Variants in BRF2 observed in about 807,000 individuals in gnomAD.
BRF2 encodes BRF2 general transcription factor IIIB subunit, also known as transcription factor IIIB 50 kDa subunit.
In BRF2, 17 loss-of-function variants were observed where a neutral mutation model predicts 26.6. That is an observed-to-expected ratio of 0.64 (90% CI 0.44 to 0.96). BRF2 has a LOEUF of 0.96. Ranked by LOEUF, BRF2 falls within the 40% of genes least tolerant of loss-of-function variation. The pLI, the probability that BRF2 is intolerant of heterozygous loss-of-function variation, is 0.00. For synonymous variants in BRF2, 219 were observed against 226.6 expected, an observed-to-expected ratio of 0.97 and a Z score of 0.30; for missense variants, 515 against 537.0, an observed-to-expected ratio of 0.96 and a Z score of 0.40.
In BRF2 at chr8:37,849,861, T is replaced by C; in HGVS notation, c.-78A>G. On this transcript the variant is annotated 5_prime_UTR_variant, in exon 1 of 4. Transcript: ENST00000220659. Reference sequence around the variant, plus strand: ...ACAGCAACCGTGAGGCAGCAAGAAGTAGGAGGGGACACTTCAAAGGGTTGC... The same window carrying C: ...ACAGCAACCGTGAGGCAGCAAGAAGCAGGAGGGGACACTTCAAAGGGTTGC... The C allele has an allele frequency of 2.8e-6, 4 of 1,407,770 alleles. No homozygotes were observed. The highest frequency in any genetic ancestry group is 2.9e-6 in the Non-Finnish European group (3 of 1,045,906). The allele number at this position is 1,407,770 out of a possible 1,614,324, so 87.2% of individuals were successfully genotyped here.
rs1007723947 is a variant in BRF2, at chr8:37,849,852, A to C, written c.-69T>G. ...GGGTCTGCAACAGCAACCGTGAGGC[A>C]GCAAGAAGTAGGAGGGGACACTTCA... On this transcript the variant is annotated 5_prime_UTR_variant, in exon 1 of 4. Coordinates refer to ENST00000220659, the MANE Select transcript of BRF2 (RefSeq NM_018310.4). 1 of 1,457,296 alleles carries C rather than the reference A, an allele frequency of 6.9e-7. No homozygotes were observed. The highest frequency in any genetic ancestry group is 1.4e-5 in the African/African-American group (1 of 71,150). 90.3% of individuals were successfully genotyped at this position (1,457,296 alleles called of 1,614,324 possible).
chr8:37,845,059 A>G lies in BRF2; in HGVS notation c.691T>C (p.Phe231Leu). ...HPLPVITAAT[F>L]LAWQSLQPAD... Reference sequence around the variant, plus strand: ...GGCTGCAGCGACTGCCAAGCCAGGAAAGTCGCAGCAGTGATGACGGGCAAG... The same window carrying G: ...GGCTGCAGCGACTGCCAAGCCAGGAGAGTCGCAGCAGTGATGACGGGCAAG... The change falls in exon 4 of 4, where the codon TTC (phenylalanine) becomes CTC (leucine). Residue 231 changes from phenylalanine to leucine, a missense_variant. Coordinates refer to ENST00000220659, the MANE Select transcript of BRF2 (RefSeq NM_018310.4). 6.2e-7 allele frequency: 1 copy of G among 1,613,902 alleles called. No homozygotes were observed. The highest frequency in any genetic ancestry group is 8.5e-7 in the Non-Finnish European group (1 of 1,180,034).
At chr8:37,845,849 A>G in intron 3 of BRF2, 3 of 594,272 alleles carry the variant, frequency 5.0e-6, no homozygotes, top group Non-Finnish European at 9.0e-6. Flanking sequence ...TCATTAACTA[A>G]TATACTTTCA....
Position 37,847,134 on chromosome 8 carries a change from G to T in BRF2, c.256C>A (p.Pro86Thr). ...ACCGCGGTATCCTCAAATGTTGGTG[G>T]CAACTGCAGAACTCGACAAAGGTCT... ...VRDLCRVLQL[P>T]PTFEDTAVAY... The change falls in exon 3 of 4, where the codon CCA becomes ACA. Residue 86 changes from proline to threonine, a missense_variant. By Grantham distance (38) the Pro-to-Thr change is conservative. Transcript: ENST00000220659. The T allele has an allele frequency of 1.2e-6, 2 of 1,614,194 alleles. No individual in the cohort carries two copies. The highest frequency in any genetic ancestry group is 1.7e-6 in the Non-Finnish European group (2 of 1,180,016).
At position 37,844,578 on chromosome 8, in the gene BRF2, T is replaced by C; in HGVS notation, c.1172A>G (p.Gln391Arg). 2 of 1,614,128 alleles carry C rather than the reference T, an allele frequency of 1.2e-6. No individual in the cohort carries two copies. Among genetic ancestry groups the C allele is most frequent in the Non-Finnish European group, 1.7e-6 (2 of 1,180,008 alleles). The change falls in exon 4 of 4, where the codon CAG (glutamine) becomes CGG (arginine). Residue 391 changes from glutamine to arginine, a missense_variant. Gln to Arg is a conservative substitution (Grantham distance 43). Transcript: ENST00000220659. ...DENISDSEIE[Q>R]YLRTPQEVRD... is the part of the protein sequence containing the mutation. ...AACTTCCTGAGGGGTACGCAAATAC[T>C]GTTCTATTTCACTATCAGAAATGTT...
At chr8:37,847,224 G>GC (rs773654806) in intron 2 of BRF2, 49 bp from the exon 3 acceptor site, 2 of 1,547,334 alleles carry the variant, frequency 1.3e-6, no homozygotes, top group Admixed American at 3.3e-5. Flanking sequence ...GAGCTATCGT[G>GC]CAACTCCTAG....
chr8:37,844,621 T>C lies in BRF2; in HGVS notation c.1129A>G (p.Thr377Ala), dbSNP rs567273563. 8.8e-4 allele frequency: 1,425 copies of C among 1,614,080 alleles called. 25 individuals are homozygous for C. In the South Asian group the frequency reaches 0.015, roughly 17 times the overall value. The part of the protein sequence containing the change: ...KRICPVPPVS[T>A]VTGDENISDS... ...GAAATGTTCTCATCTCCAGTGACAG[T>C]GGAGACAGGGGGTACAGGGCAGATC... is the stretch of plus-strand genomic sequence containing the variant. The change falls in exon 4 of 4, where the codon ACT becomes GCT. Residue 377 changes from threonine (T) to alanine (A), a missense_variant. By Grantham distance (58) the Thr-to-Ala change is moderately conservative. Coordinates refer to ENST00000220659, the MANE Select transcript of BRF2 (RefSeq NM_018310.4).
intron 3 of BRF2, among the ~76,000 whole-genome samples, chr8:37,846,029 T>G (rs1162811826): frequency 6.6e-6 from 1 of 152,148 alleles, no homozygotes; most frequent in Non-Finnish European, 1.5e-5. Context: ...ATTAGGTTGC[T>G]GTGAAGGCAA....
rs1283177646 is a variant in BRF2, at chr8:37,843,495, C to G, written c.*995G>C. ...CCTTTACTCCTTTTAAACACCAGCA[C>G]CCGTCTTTTCCCCAACCTAAAACCA... On this transcript the variant is annotated 3_prime_UTR_variant, in exon 4 of 4. Transcript: ENST00000220659. The G allele has an allele frequency of 2.0e-5, 3 of 152,240 alleles. No homozygotes were observed. Among genetic ancestry groups the G allele is most frequent in the Non-Finnish European group, 4.4e-5 (3 of 68,066 alleles). The allele number at this position is 152,240 out of a possible 1,614,324, so 9.4% of individuals were successfully genotyped here.
chr8:37,847,095 GT>G lies in BRF2; in HGVS notation c.294del (p.Gln98HisfsTer26). The G allele has an allele frequency of 6.2e-7, 1 of 1,614,214 alleles. No homozygotes were observed. Among genetic ancestry groups the G allele is most frequent in the Non-Finnish European group, 8.5e-7 (1 of 1,180,028 alleles). On this transcript the variant is annotated frameshift_variant, in exon 3 of 4. Transcript: ENST00000220659. LOFTEE classifies it high-confidence loss of function. ...TFEDTAVAYY[Q>X]QAYRHSGIRA... ...CGGATGCCAGAGTGCCGATATGCCT[GT>G]TGGTAGTAGGCAACCGCGGTATCCT...
intron 2 of BRF2, among the ~76,000 whole-genome samples, chr8:37,848,134 T>C (rs1405667180): frequency 1.3e-5 from 2 of 151,014 alleles, no homozygotes; most frequent in African/African-American, 4.9e-5. Flanking sequence ...GTATTTTTAG[T>C]AGAGATGGGG....
At chr8:37,846,500 A>C (rs999686462) in intron 3 of BRF2, among the ~76,000 whole-genome samples, 4 of 152,322 alleles carry the variant, frequency 2.6e-5, no homozygotes, top group Admixed American at 2.6e-4. Flanking sequence ...CACGCCTGTA[A>C]TCCCAGAACT....
chr8:37,848,917 A>G (rs1806013617), intron 1 of BRF2, among the ~76,000 whole-genome samples: 1 of 152,148 alleles, frequency 6.6e-6, no homozygotes, highest in Non-Finnish European at 1.5e-5. Context: ...CAATTTTCCT[A>G]GCAGCAGATT....
chr8:37,847,952 A>G (rs1324350375), intron 2 of BRF2, among the ~76,000 whole-genome samples: 1 of 148,172 alleles, frequency 6.7e-6, no homozygotes, highest in Non-Finnish European at 1.5e-5. Context: ...TATTATTATT[A>G]TTATTATTAT....
In BRF2 at chr8:37,845,162, G is replaced by C; in HGVS notation, c.588C>G (p.Asp196Glu). The C allele has an allele frequency of 6.2e-7, 1 of 1,613,032 alleles. No individual in the cohort carries two copies. Among genetic ancestry groups the C allele is most frequent in the Non-Finnish European group, 8.5e-7 (1 of 1,179,518 alleles). Residue 196 changes from aspartate to glutamate, a missense_variant, in exon 4 of 4, where the codon GAC (aspartate) becomes GAG (glutamate). Transcript: ENST00000220659. ...SPSVPAKYVE[D>E]KEKMLSRTMQ... is the part of the protein sequence containing the mutation. ...TTGTTCGAGACAGCATCTTCTCTTT[G>C]TCTTCCACGTATTTGGCTGGCACAG...
At chr8:37,849,586 T>C in intron 1 of BRF2, 44 bp downstream of exon 1, 1 of 1,532,608 alleles carries the variant, frequency 6.5e-7, no homozygotes, top group African/African-American at 1.4e-5. Flanking sequence ...GAATCTGATG[T>C]TAATCCCTCC....
chr8:37,846,765 G>GAAA, intron 3 of BRF2, 89 bp downstream of exon 3: 5 of 764,586 alleles, frequency 6.5e-6, no homozygotes, highest in East Asian at 3.3e-5. Flanking sequence ...AAGACTCCAA[G>GAAA]AAAAAAAAAA....
chr8:37,846,444 A>G (rs527715171), intron 3 of BRF2, among the ~76,000 whole-genome samples: 1 of 152,320 alleles, frequency 6.6e-6, no homozygotes, highest in African/African-American at 2.4e-5. Context: ...ATCCTTTTAC[A>G]TGGGCTTTGG....
Position 37,849,679 on chromosome 8 carries a change from G to A in BRF2, c.105C>T (p.Val35=), listed in dbSNP as rs1563360124. Residue 35 remains valine, a synonymous_variant, in exon 1 of 4, where the codon GTC becomes GTT. Coordinates refer to ENST00000220659, the MANE Select transcript of BRF2 (RefSeq NM_018310.4). The stretch of plus-strand genomic sequence containing the variant: ...AGGTAGTGGTAAGGACCCCCTCGGT[G>A]ACCACGCAGCCGCAGTCGGAGCACA... ...QLVCSDCGCV[V]TEGVLTTTFS... 1 of 1,613,648 alleles carries A rather than the reference G, an allele frequency of 6.2e-7. No individual in the cohort carries two copies. The highest frequency in any genetic ancestry group is 8.5e-7 in the Non-Finnish European group (1 of 1,179,920).
Sources: allele counts gnomAD v4.1 joint callset (sites outside exome capture counted in the v4.1 genomes callset), GRCh38; gene constraint gnomAD v4.1.1; transcripts MANE v1.5; gene names NCBI Gene and HGNC (gene_info 2026-07-23, HGNC 2026-07-21).